Variants in TCHP observed in about 807,000 individuals in gnomAD.
TCHP encodes the protein trichoplein keratin filament-binding protein.
TCHP carries 81 observed loss-of-function variants against 88.7 expected under a neutral mutation model. That is an observed-to-expected ratio of 0.91 (90% confidence interval 0.76 to 1.10). TCHP has a LOEUF of 1.10. Among genes scored for constraint, TCHP ranks in the 50% least tolerant of loss-of-function variants. The pLI is 0.00. For synonymous variants in TCHP, 232 were observed against 232.5 expected (o/e 1.00, Z 0.02); for missense variants, 641 against 632.1 (o/e 1.01, Z -0.15).
At chr12:109,899,595 G>T (rs1186530566), upstream of TCHP, among the ~76,000 whole-genome samples, 3 of 152,052 alleles carry the variant, frequency 2.0e-5, no homozygotes, top group African/African-American at 7.2e-5. Flanking sequence ...TCGAGATCAC[G>T]CCACTGCACT....
rs780330761 is a variant in TCHP, at chr12:109,914,578, A to G, written c.1271A>G (p.Glu424Gly). The change falls in exon 11 of 13, where the codon GAG becomes GGG. Residue 424 changes from glutamate to glycine, a missense_variant. By Grantham distance (98) the Glu-to-Gly change is moderately conservative. Transcript: ENST00000405876. ...AGAGAGTTGGCTCGTCGCGAGAAAG[A>G]GGAGAGTGAAAAGCTGAAATCGGCC... is the stretch of plus-strand genomic sequence containing the variant. ...EVRELARREK[E>G]ESEKLKSARK... is the part of the protein sequence containing the mutation. 4.3e-6 allele frequency: 7 copies of G among 1,613,326 alleles called. No individual in the cohort carries two copies. The highest frequency in any genetic ancestry group is 1.7e-5 in the Admixed American group (1 of 59,986).
chr12:109,881,737 G>A, the TCHP span, among the ~76,000 whole-genome samples: 6 of 152,064 alleles, frequency 3.9e-5, no homozygotes, highest in African/African-American at 1.2e-4. Context: ...CAAACCTAAT[G>A]TCTCTCCAAC....
chr12:109,908,791 C>T (rs1565911107), intron 7 of TCHP, 80 bp from the exon 8 acceptor site: 2 of 1,570,580 alleles, frequency 1.3e-6, no homozygotes, highest in East Asian at 2.2e-5. Context: ...ATAAAGGAGA[C>T]AGCCTGGTCA....
Position 109,903,975 on chromosome 12 carries a change from AGAG to A in TCHP, c.234_236del (p.Arg78del), listed in dbSNP as rs768822791. On this transcript the variant is annotated inframe_deletion, in exon 3 of 13. Coordinates refer to ENST00000405876, the MANE Select transcript of TCHP (RefSeq NM_001143852.2). The surrounding 1 kb of genome is among the most constrained non-coding windows in gnomAD (Gnocchi z 4.6). Reference sequence around the variant, plus strand: ...CAGCGGGAGAAGATGAAGGAGGAGAAGAGGAGGAGTCTGGAGGCCCGACGGGAA... The same window carrying A: ...CAGCGGGAGAAGATGAAGGAGGAGAAGAGGAGTCTGGAGGCCCGACGGGAA... 3.3e-5 allele frequency: 53 copies of A among 1,611,034 alleles called. No homozygotes were observed. In the African/African-American group the frequency reaches 6.3e-4, roughly 19 times the overall value.
chr12:109,889,453 G>C, the TCHP span, among the ~76,000 whole-genome samples: 1 of 140,820 alleles, frequency 7.1e-6, no homozygotes, highest in African/African-American at 3.0e-5. Flanking sequence ...GGGTGACAGA[G>C]AGAGACTCCA....
rs1870301198 is a variant in TCHP at position 109,908,712 on chromosome 12, G to C, written c.812+14G>C. ...GGCAGAGCTGGGGTGTGTGTCAGAA[G>C]GGCCCCCCACTCTTCCCAGGCGGGT... On this transcript the variant is annotated intron_variant, in intron 7 of 12. Coordinates refer to ENST00000405876, the MANE Select transcript of TCHP (RefSeq NM_001143852.2). 3 of 1,584,246 alleles carry C rather than the reference G, an allele frequency of 1.9e-6. No individual in the cohort carries two copies. The African/African-American group carries it at 4.0e-5, about 21-fold the overall frequency.
At chr12:109,887,267 C>T in the TCHP span, among the ~76,000 whole-genome samples, 228 of 151,804 alleles carry the variant, frequency 1.5e-3, 1 homozygote, top group African/African-American at 5.3e-3. Context: ...ACTAAAAATA[C>T]AAAAATTAGC....
chr12:109,899,621 A>T (rs1592902974), upstream of TCHP, among the ~76,000 whole-genome samples: 1 of 152,224 alleles, frequency 6.6e-6, no homozygotes, highest in South Asian at 2.1e-4. Flanking sequence ...CTGGCGACAG[A>T]GCAAGACTCT....
intron 12 of TCHP, 150 bp downstream of exon 12, chr12:109,915,696 TC>T: frequency 1.9e-6 from 2 of 1,040,176 alleles, no homozygotes; most frequent in South Asian, 3.4e-5. Context: ...ATTTCTCTCT[TC>T]CCTGACCAGC....
chr12:109,902,028 G>A (rs545541170), intron 1 of TCHP, among the ~76,000 whole-genome samples: 94 of 152,296 alleles, frequency 6.2e-4, no homozygotes, highest in Non-Finnish European at 1.1e-3. Context: ...ACATACATGT[G>A]TTCCTTACAT....
At chr12:109,885,060 C>T in the TCHP span, among the ~76,000 whole-genome samples, 2 of 152,326 alleles carry the variant, frequency 1.3e-5, no homozygotes, top group Middle Eastern at 3.4e-3. Flanking sequence ...CCTCCGCCTC[C>T]TGGATTCAAG....
the TCHP span, among the ~76,000 whole-genome samples, chr12:109,883,648 AT>A: frequency 1.3e-5 from 2 of 152,054 alleles, no homozygotes; most frequent in Non-Finnish European, 2.9e-5. Flanking sequence ...AGACGCCTCT[AT>A]CAATTCCACA....
At chr12:109,914,993 A>G (rs753347993) in intron 11 of TCHP, 7 of 400,792 alleles carry the variant, frequency 1.7e-5, no homozygotes, top group Non-Finnish European at 2.8e-5. Flanking sequence ...CACGCCACGC[A>G]TATGTATAGC....
In TCHP at chr12:109,917,630, C is replaced by G. The variant is rs1420438716; in HGVS notation, c.*1007C>G. On this transcript the variant is annotated 3_prime_UTR_variant, in exon 13 of 13. Coordinates refer to ENST00000405876, the MANE Select transcript of TCHP (RefSeq NM_001143852.2). The stretch of plus-strand genomic sequence containing the variant: ...ATGAGTCTCAGAACCACAGACCGGC[C>G]AGAAATCTCTCCCACCATTATATCA... 2 of 152,564 alleles carry G rather than the reference C, an allele frequency of 1.3e-5. No individual in the cohort carries two copies. The highest frequency in any genetic ancestry group is 2.9e-5 in the Non-Finnish European group (2 of 68,028). 9.5% of individuals were successfully genotyped at this position (152,564 alleles called of 1,614,324 possible).
intron 1 of TCHP, chr12:109,900,842 GA>G (rs1869746299): frequency 6.6e-6 from 1 of 152,388 alleles, no homozygotes; most frequent in South Asian, 2.1e-4. Context: ...AGGACCTCCA[GA>G]ATGAGATTCT....
intron 8 of TCHP, among the ~76,000 whole-genome samples, chr12:109,909,781 G>A (rs1051456454): frequency 2.0e-5 from 3 of 152,174 alleles, no homozygotes; most frequent in African/African-American, 7.2e-5. Context: ...CCTGGCCAAT[G>A]TGGTATAACC....
chr12:109,900,125 T>C (rs1869690833), upstream of TCHP: 1 of 152,250 alleles, frequency 6.6e-6, no homozygotes, highest in Non-Finnish European at 1.5e-5. Context: ...GAAATACGTG[T>C]AGTGCATGGA....
chr12:109,897,778 G>A (rs1004706624), upstream of TCHP, among the ~76,000 whole-genome samples: 3 of 152,040 alleles, frequency 2.0e-5, no homozygotes, highest in South Asian at 4.1e-4. Context: ...GGCTGGTATC[G>A]AACTCCTGAC....
chr12:109,888,796 A>C, the TCHP span, among the ~76,000 whole-genome samples: 3 of 152,194 alleles, frequency 2.0e-5, no homozygotes, highest in African/African-American at 4.8e-5. Flanking sequence ...TGGCTGCTTG[A>C]TGATTTAAAA....
Sources: gnomAD v4.1 joint callset for allele counts (sites outside exome capture counted in the v4.1 genomes callset) on GRCh38, gnomAD v4.1.1 for gene constraint, Gnocchi (gnomAD v3.1) non-coding constraint, MANE v1.5 for transcripts, NCBI Gene and HGNC (gene_info 2026-07-23, HGNC 2026-07-21) for gene names.